The following PACSIN2 variants were observed in gnomAD, a reference collection of about 807,000 sequenced individuals.
PACSIN2 encodes the protein protein kinase C and casein kinase substrate in neurons protein 2.
Under a neutral mutation model 63.8 loss-of-function variants are expected in PACSIN2, and 25 were observed. The ratio of observed to expected loss-of-function variants is 0.39; its 90% CI spans 0.29 to 0.55. The LOEUF is 0.55. PACSIN2 is among the 20% of genes least tolerant of loss of function. PACSIN2 has a pLI of 0.62. For missense variants in PACSIN2, 518 were observed against 646.9 expected, an observed-to-expected ratio of 0.80 and a Z score of 2.16; for synonymous variants, 255 against 256.2, an observed-to-expected ratio of 1.00 and a Z score of 0.05.
chr22:42,949,694 ACT>A (rs1933594330), intron 1 of PACSIN2, among the ~76,000 whole-genome samples: 1 of 149,724 alleles, frequency 6.7e-6, no homozygotes, highest in Admixed American at 6.6e-5. Context: ...ACACACACAC[ACT>A]CACACACACT....
intron 10 of PACSIN2, among the ~76,000 whole-genome samples, chr22:42,873,851 T>C (rs1429358437): frequency 6.6e-6 from 1 of 151,538 alleles, no homozygotes; most frequent in Non-Finnish European, 1.5e-5. Context: ...TGGAGTGCAG[T>C]GGTATGATCT....
intron 7 of PACSIN2, among the ~76,000 whole-genome samples, chr22:42,881,339 C>T (rs377546902): frequency 6.6e-6 from 1 of 152,166 alleles, no homozygotes; most frequent in Non-Finnish European, 1.5e-5. Context: ...CCATTCCACA[C>T]GTGGGAAAAC....
chr22:42,897,354 C>CATAT (rs1930363228), intron 2 of PACSIN2, among the ~76,000 whole-genome samples: 1 of 152,196 alleles, frequency 6.6e-6, no homozygotes, highest in Non-Finnish European at 1.5e-5. Flanking sequence ...AAAATCAGCA[C>CATAT]ATATATAGTT....
intron 1 of PACSIN2, among the ~76,000 whole-genome samples, chr22:42,964,092 T>C (rs940255368): frequency 3.9e-5 from 6 of 152,298 alleles, no homozygotes; most frequent in Middle Eastern, 3.4e-3. Flanking sequence ...TCCCAACCCT[T>C]TCCCCAGCCC....
At chr22:42,926,534 C>G (rs966622410) in intron 1 of PACSIN2, among the ~76,000 whole-genome samples, 11 of 152,250 alleles carry the variant, frequency 7.2e-5, no homozygotes, top group Admixed American at 2.6e-4. Flanking sequence ...AGGAACTCCA[C>G]GAGGACACAG....
chr22:42,958,796 G>A (rs954251033), intron 1 of PACSIN2, among the ~76,000 whole-genome samples: 1 of 152,168 alleles, frequency 6.6e-6, no homozygotes, highest in Admixed American at 6.5e-5. Flanking sequence ...TCTGGAGGAC[G>A]GAGAGAGGAT....
At chr22:42,985,901 C>T (rs941661418) in intron 1 of PACSIN2, among the ~76,000 whole-genome samples, 1 of 140,954 alleles carries the variant, frequency 7.1e-6, no homozygotes, top group Non-Finnish European at 1.6e-5. Context: ...CCACCCCTTG[C>T]TGACTGCAGG....
intron 1 of PACSIN2, among the ~76,000 whole-genome samples, chr22:42,945,579 C>T (rs913861758): frequency 1.3e-5 from 2 of 152,104 alleles, no homozygotes; most frequent in Admixed American, 6.5e-5. Flanking sequence ...CATTCATTCA[C>T]CCAGCTTCTC....
chr22:42,882,393 G>A, intron 6 of PACSIN2, 89 bp from the exon 7 acceptor site: 2 of 1,433,976 alleles, frequency 1.4e-6, no homozygotes, highest in Non-Finnish European at 1.9e-6. Context: ...AGGTCCCGTG[G>A]TCTCTGCCCT....
chr22:43,006,164 A>G (rs1924077897), intron 1 of PACSIN2, among the ~76,000 whole-genome samples: 2 of 152,168 alleles, frequency 1.3e-5, no homozygotes, highest in African/African-American at 4.8e-5. Context: ...ATAAGAAGTC[A>G]GCAATCCGCA....
In PACSIN2 at chr22:42,874,449, C is replaced by T. The variant is rs1233801519; in HGVS notation, c.1348+1688G>A. 2.0e-5 allele frequency among the ~76,000 whole-genome samples: 3 copies of T among 152,160 alleles called. No individual in the cohort carries two copies. The South Asian group carries it at 6.2e-4, about 31-fold the overall frequency. The stretch of plus-strand genomic sequence containing the variant: ...AGGCTGTTTTATAAAACTATGGTTT[C>T]TGCTCCTAGCAACACAGATATGTGT... On this transcript the variant is annotated intron_variant, in intron 10 of 10. Coordinates refer to ENST00000263246, the MANE Select transcript of PACSIN2 (RefSeq NM_001184970.3).
intron 2 of PACSIN2, among the ~76,000 whole-genome samples, chr22:42,902,677 G>C (rs958313528): frequency 6.6e-6 from 1 of 152,134 alleles, no homozygotes; most frequent in African/African-American, 2.4e-5. Context: ...GCAGTGGCAT[G>C]ATCTCGGCTC....
intron 1 of PACSIN2, among the ~76,000 whole-genome samples, chr22:42,935,185 A>G (rs1429620684): frequency 6.6e-6 from 1 of 151,282 alleles, no homozygotes; most frequent in Admixed American, 6.6e-5. Context: ...TCGGCCTCCC[A>G]AAGTGCTGGG....
At chr22:42,945,932 C>T (rs1933398580) in intron 1 of PACSIN2, 1 of 153,014 alleles carries the variant, frequency 6.5e-6, no homozygotes, top group Non-Finnish European at 1.5e-5. Context: ...CCAGCAGGGC[C>T]TCCAGGCTGT....
intron 1 of PACSIN2, among the ~76,000 whole-genome samples, chr22:42,996,320 T>A (rs1346472556): frequency 6.6e-6 from 1 of 151,032 alleles, no homozygotes; most frequent in Non-Finnish European, 1.5e-5. Flanking sequence ...GATCACAAGG[T>A]CAGGAATTCA....
At chr22:42,893,713 T>C (rs1361049371) in intron 2 of PACSIN2, 100 bp from the exon 3 acceptor site, 6 of 1,204,684 alleles carry the variant, frequency 5.0e-6, no homozygotes, top group Non-Finnish European at 7.2e-6. Context: ...GATGCGCCCC[T>C]GGGGTCATGT....
intron 5 of PACSIN2, among the ~76,000 whole-genome samples, chr22:42,887,585 C>T (rs893572591): frequency 1.2e-4 from 18 of 152,236 alleles, no homozygotes; most frequent in Admixed American, 3.9e-4. Context: ...CTCCAAACAC[C>T]GAGGCAGGGC....
chr22:42,893,570 T>G lies in PACSIN2; in HGVS notation c.104A>C (p.His35Pro), dbSNP rs200823245. Residue 35 changes from histidine to proline, a missense_variant, in exon 3 of 11, where the codon CAC (histidine) becomes CCC (proline). Physicochemically the swap from His to Pro is moderately conservative, Grantham distance 77 (BLOSUM62 -2). Around this residue, in one of 2 missense-constraint regions of PACSIN2, gnomAD observed 507 missense variants for 612.3 expected, o/e 0.83. Transcript: ENST00000263246. ...KRTVKRIDDG[H>P]RLCSDLMNCL... Reference sequence around the variant, plus strand: ...GTTCATGAGGTCGCTGCACAGGCGGTGGCCATCGTCGATCCGCTTCACAGT... The same window carrying G: ...GTTCATGAGGTCGCTGCACAGGCGGGGGCCATCGTCGATCCGCTTCACAGT... 6.2e-7 allele frequency: 1 copy of G among 1,614,116 alleles called. No homozygotes were observed. The highest frequency in any genetic ancestry group is 8.5e-7 in the Non-Finnish European group (1 of 1,180,020).
intron 1 of PACSIN2, among the ~76,000 whole-genome samples, chr22:42,931,316 A>C (rs1932773462): frequency 6.6e-6 from 1 of 152,236 alleles, no homozygotes; most frequent in South Asian, 2.1e-4. Flanking sequence ...CATCCAGAAA[A>C]CAAAACTAAC....
Sources: allele counts gnomAD v4.1 joint callset (sites outside exome capture counted in the v4.1 genomes callset), GRCh38; gene constraint gnomAD v4.1.1; regional missense constraint gnomAD v4.1.1; transcripts MANE v1.5; gene names NCBI Gene and HGNC (gene_info 2026-07-23, HGNC 2026-07-21).